PAPSS2: variants seen among roughly 807,000 people sequenced by gnomAD.
PAPSS2 encodes the protein bifunctional 3'-phosphoadenosine 5'-phosphosulfate synthase 2.
In PAPSS2, 61 loss-of-function variants were observed where a neutral mutation model predicts 66.5. That is an observed-to-expected ratio of 0.92 (90% CI 0.75 to 1.14). The LOEUF (loss-of-function observed/expected upper bound fraction) is 1.14. PAPSS2 is among the 50% of genes most tolerant of loss of function. The pLI is 0.00. For missense variants in PAPSS2, 708 were observed against 789.6 expected (o/e 0.90, Z 1.24); for synonymous variants, 289 against 287.5 (o/e 1.01, Z -0.05).
chr10:87,709,404 C>T (rs951091256), intron 2 of PAPSS2, 91 bp downstream of exon 2: 2 of 778,326 alleles, frequency 2.6e-6, no homozygotes, highest in Non-Finnish European at 4.5e-6. Flanking sequence ...GTATTACATG[C>T]TTGTTTTATC....
At chr10:87,716,258 G>A (rs754802284) in intron 7 of PAPSS2, among the ~76,000 whole-genome samples, 1 of 152,162 alleles carries the variant, frequency 6.6e-6, no homozygotes, top group Non-Finnish European at 1.5e-5. Flanking sequence ...CTCATGTCAA[G>A]CATTATTGCA....
chr10:87,692,587 A>C (rs1372606970), intron 1 of PAPSS2, among the ~76,000 whole-genome samples: 1 of 152,128 alleles, frequency 6.6e-6, no homozygotes, highest in Admixed American at 6.5e-5. Flanking sequence ...AATGGAAGAG[A>C]GATGCTGTTT....
At chr10:87,743,273 A>T in intron 10 of PAPSS2, 100 bp from the exon 11 acceptor site, 1 of 1,245,710 alleles carries the variant, frequency 8.0e-7, no homozygotes, top group Non-Finnish European at 1.2e-6. Context: ...GTGGATAATG[A>T]ATGCACAGAA....
intron 1 of PAPSS2, among the ~76,000 whole-genome samples, chr10:87,693,284 G>A (rs986924795): frequency 3.9e-5 from 6 of 152,346 alleles, no homozygotes; most frequent in African/African-American, 1.4e-4. Context: ...TTACCTGAGA[G>A]CATGATGAGT....
chr10:87,664,620 C>G (rs1016845317), intron 1 of PAPSS2, among the ~76,000 whole-genome samples: 2 of 152,130 alleles, frequency 1.3e-5, no homozygotes, highest in African/African-American at 4.8e-5. Context: ...CTGTGGTTTG[C>G]TGAGGGGATA....
chr10:87,745,219 A>G lies in PAPSS2; in HGVS notation c.1709A>G (p.Tyr570Cys), dbSNP rs1461102962. The G allele has an allele frequency of 6.2e-7, 1 of 1,612,000 alleles. No individual in the cohort carries two copies. Among genetic ancestry groups the G allele is most frequent in the Non-Finnish European group, 8.5e-7 (1 of 1,178,848 alleles). ...YNKAKKAMDF[Y>C]DPARHNEFDF... ...AAAGCCAAAAAAGCCATGGACTTCT[A>G]TGATCCAGCAAGGTAGGTTTTCAGA... Residue 570 changes from tyrosine (Y) to cysteine (C), a missense_variant, in exon 12 of 13, where the codon TAT (tyrosine) becomes TGT (cysteine). Tyr to Cys is a radical substitution (Grantham distance 194, BLOSUM62 -2). Transcript: ENST00000456849.
At chr10:87,734,972 C>T (rs545168886) in intron 9 of PAPSS2, among the ~76,000 whole-genome samples, 5 of 152,112 alleles carry the variant, frequency 3.3e-5, no homozygotes, top group Admixed American at 2.6e-4. Context: ...TTTATCATAG[C>T]TTTCTTAGTC....
chr10:87,660,181 G>C (rs769060284), intron 1 of PAPSS2, among the ~76,000 whole-genome samples, 173 bp downstream of exon 1: 1 of 152,104 alleles, frequency 6.6e-6, no homozygotes, highest in Non-Finnish European at 1.5e-5. Context: ...TGGAATTCCC[G>C]GGGCAGTCCT....
At chr10:87,713,399 G>C (rs1853491539) in intron 3 of PAPSS2, 89 bp downstream of exon 3, 1 of 746,734 alleles carries the variant, frequency 1.3e-6, no homozygotes, top group Non-Finnish European at 2.3e-6. Context: ...AGGAATCGGA[G>C]AGGGAGGGCA....
chr10:87,682,800 G>A (rs1442182066), intron 1 of PAPSS2, among the ~76,000 whole-genome samples: 1 of 152,162 alleles, frequency 6.6e-6, no homozygotes, highest in East Asian at 1.9e-4. Flanking sequence ...ATAAAAAGAA[G>A]GAGCATGTAG....
At chr10:87,733,457 A>C (rs148056229) in intron 9 of PAPSS2, among the ~76,000 whole-genome samples, 2 of 152,358 alleles carry the variant, frequency 1.3e-5, no homozygotes, top group African/African-American at 4.8e-5. Context: ...GAAAGTAAGA[A>C]TCATTACTCC....
intron 1 of PAPSS2, among the ~76,000 whole-genome samples, chr10:87,699,920 A>G (rs1853281776): frequency 2.0e-5 from 3 of 152,064 alleles, no homozygotes; most frequent in South Asian, 2.1e-4. Flanking sequence ...ATTGAAAACT[A>G]GAATATAGAG....
intron 9 of PAPSS2, among the ~76,000 whole-genome samples, chr10:87,729,055 G>A (rs1853694850): frequency 6.6e-6 from 1 of 151,926 alleles, no homozygotes; most frequent in African/African-American, 2.4e-5. Flanking sequence ...CTCAGTGACT[G>A]AAAGAATAGC....
intron 9 of PAPSS2, among the ~76,000 whole-genome samples, chr10:87,729,770 G>C (rs1188567821): frequency 6.6e-6 from 1 of 152,160 alleles, no homozygotes; most frequent in South Asian, 2.1e-4. Flanking sequence ...GCCAGGGTGG[G>C]CGGATCACTT....
chr10:87,677,823 T>C (rs994251286), intron 1 of PAPSS2, among the ~76,000 whole-genome samples: 1 of 152,258 alleles, frequency 6.6e-6, no homozygotes, highest in Non-Finnish European at 1.5e-5. Flanking sequence ...AACCACTCTC[T>C]AACTATGATC....
intron 1 of PAPSS2, among the ~76,000 whole-genome samples, chr10:87,687,783 C>G (rs1423263811): frequency 6.6e-6 from 1 of 152,030 alleles, no homozygotes; most frequent in Non-Finnish European, 1.5e-5. Context: ...CCTTGTACTT[C>G]ATATATATGT....
intron 9 of PAPSS2, among the ~76,000 whole-genome samples, chr10:87,729,799 C>T (rs950825730): frequency 6.8e-4 from 104 of 152,196 alleles, no homozygotes; most frequent in Middle Eastern, 3.4e-3. Context: ...GAGTCCGAGA[C>T]CAGCCTGACC....
At position 87,705,111 on chromosome 10, in the gene PAPSS2, G is replaced by A. The variant is rs1853366731; in HGVS notation, c.28-4085G>A. On this transcript the variant is annotated intron_variant, in intron 1 of 12. Coordinates refer to ENST00000456849, the MANE Select transcript of PAPSS2 (RefSeq NM_001015880.2). ...GCATTGCCATCACCCCAGAAGCAAC[G>A]GCTGTTCTGAATTAGTGCATTAGTT... Among the ~76,000 whole-genome samples the A allele has an allele frequency of 2.0e-5, 3 of 152,260 alleles. No individual in the cohort carries two copies. The South Asian group carries it at 6.2e-4, about 32-fold the overall frequency.
chr10:87,721,509 A>G (rs2131716318), intron 7 of PAPSS2, among the ~76,000 whole-genome samples: 1 of 152,354 alleles, frequency 6.6e-6, no homozygotes, highest in East Asian at 1.9e-4. Flanking sequence ...AAAAAATTAG[A>G]AAACCAGATA....
Sources: allele counts gnomAD v4.1 joint callset (sites outside exome capture counted in the v4.1 genomes callset), GRCh38; gene constraint gnomAD v4.1.1; transcripts MANE v1.5; gene names NCBI Gene and HGNC (gene_info 2026-07-23, HGNC 2026-07-21).